EFCAB6: variants seen among roughly 807,000 people sequenced by gnomAD.
EFCAB6 encodes EF-hand calcium-binding domain-containing protein 6.
A neutral mutation model predicts 169.8 loss-of-function variants in EFCAB6; 156 were observed. The ratio of observed to expected loss-of-function variants is 0.92; its 90% CI spans 0.81 to 1.05. The LOEUF (loss-of-function observed/expected upper bound fraction) is 1.05. Among genes scored for constraint, EFCAB6 ranks in the 50% least tolerant of loss-of-function variants. The pLI is 0.00. For missense variants in EFCAB6, 1,800 were observed against 1,829.1 expected, an observed-to-expected ratio of 0.98 and a Z score of 0.29; for synonymous variants, 698 against 676.4, an observed-to-expected ratio of 1.03 and a Z score of -0.50.
At chr22:43,709,491 T>C (rs1246299947) in intron 10 of EFCAB6, among the ~76,000 whole-genome samples, 1 of 152,218 alleles carries the variant, frequency 6.6e-6, no homozygotes, top group African/African-American at 2.4e-5. Context: ...TTTTGAAGAC[T>C]ATGAAGCCAA....
chr22:43,791,045 T>C (rs751191689), intron 2 of EFCAB6, among the ~76,000 whole-genome samples: 13 of 152,188 alleles, frequency 8.5e-5, no homozygotes, highest in Non-Finnish European at 1.5e-4. Flanking sequence ...TCCAAGTAGA[T>C]ATACTGAATA....
chr22:43,808,367 C>T (rs187883745), intron 2 of EFCAB6, among the ~76,000 whole-genome samples: 4 of 152,208 alleles, frequency 2.6e-5, no homozygotes, highest in African/African-American at 9.6e-5. Flanking sequence ...GAATATCTCT[C>T]CTTTAAGCAA....
intron 22 of EFCAB6, among the ~76,000 whole-genome samples, chr22:43,606,820 G>A (rs1248869743): frequency 6.6e-6 from 1 of 152,218 alleles, no homozygotes; most frequent in Non-Finnish European, 1.5e-5. Flanking sequence ...AACAGTGAGT[G>A]TCCACCTCCA....
intron 2 of EFCAB6, among the ~76,000 whole-genome samples, chr22:43,793,271 G>A (rs896753486): frequency 6.6e-6 from 1 of 152,174 alleles, no homozygotes; most frequent in Non-Finnish European, 1.5e-5. Flanking sequence ...AGAATGGTCT[G>A]GATGACCTGT....
intron 21 of EFCAB6, among the ~76,000 whole-genome samples, chr22:43,610,332 A>G (rs1486762908): frequency 4.6e-5 from 7 of 152,250 alleles, no homozygotes; most frequent in African/African-American, 7.2e-5. Flanking sequence ...CTGTTGACCA[A>G]TGAGAAAAAG....
intron 7 of EFCAB6, among the ~76,000 whole-genome samples, chr22:43,733,315 G>T (rs998770248): frequency 4.6e-5 from 7 of 152,222 alleles, no homozygotes; most frequent in African/African-American, 1.7e-4. Context: ...TCATTCATCT[G>T]CTCAGGCAAC....
In EFCAB6 at chr22:43,738,470, CACAT is replaced by C. The variant is rs767143524; in HGVS notation, c.508-2481_508-2478del. The stretch of plus-strand genomic sequence containing the variant: ...ACTCACATACACCATCACTCACACA[CACAT>C]ATATTCACACACACACATGCACATA... On this transcript the variant is annotated intron_variant, in intron 6 of 31. Transcript: ENST00000262726. Among the ~76,000 whole-genome samples the C allele has an allele frequency of 7.9e-5, 12 of 151,746 alleles. No individual in the cohort carries two copies. The East Asian group carries it at 1.2e-3, about 15-fold the overall frequency.
chr22:43,544,757 C>T (rs1460454001), intron 27 of EFCAB6, among the ~76,000 whole-genome samples: 2 of 152,054 alleles, frequency 1.3e-5, no homozygotes, highest in Admixed American at 6.6e-5. Flanking sequence ...CTGTGTGGAT[C>T]CTGCAATCTG....
At position 43,564,934 on chromosome 22, in the gene EFCAB6, G is replaced by A. The variant is rs142472392; in HGVS notation, c.3421-9838C>T. On this transcript the variant is annotated intron_variant, in intron 26 of 31. Coordinates refer to ENST00000262726, the MANE Select transcript of EFCAB6 (RefSeq NM_022785.4). ...CAGAGCTGGAGAGGCAGCAGTGCAC[G>A]TGCGTTTGCTTTCTTGGGGTCTGTC... Among the ~76,000 whole-genome samples, 45 of 152,320 alleles carry A rather than the reference G, an allele frequency of 3.0e-4. No individual in the cohort carries two copies. In the East Asian group the frequency reaches 7.7e-3, roughly 26 times the overall value.
chr22:43,676,551 T>C (rs1377293565), intron 13 of EFCAB6, among the ~76,000 whole-genome samples: 1 of 152,150 alleles, frequency 6.6e-6, no homozygotes, highest in Non-Finnish European at 1.5e-5. Flanking sequence ...GATTTGGGAT[T>C]TTTATCATTA....
At chr22:43,614,238 T>C (rs1260133413) in intron 21 of EFCAB6, among the ~76,000 whole-genome samples, 2 of 141,258 alleles carry the variant, frequency 1.4e-5, no homozygotes, top group East Asian at 2.2e-4. Flanking sequence ...CAAGATTTAC[T>C]ATAAGGCTAC....
chr22:43,664,458 A>C (rs542863826), intron 17 of EFCAB6, among the ~76,000 whole-genome samples: 16 of 152,368 alleles, frequency 1.1e-4, no homozygotes, highest in African/African-American at 3.6e-4. Context: ...AACAAATGAA[A>C]GATGTGGTGA....
intron 26 of EFCAB6, among the ~76,000 whole-genome samples, chr22:43,573,054 G>A (rs547796460): frequency 1.1e-4 from 17 of 152,362 alleles, no homozygotes; most frequent in East Asian, 5.8e-4. Flanking sequence ...TGAGGCCAGC[G>A]GAGCTGGAAG....
chr22:43,765,954 T>C (rs1358620990), intron 4 of EFCAB6, among the ~76,000 whole-genome samples: 1 of 152,226 alleles, frequency 6.6e-6, no homozygotes, highest in Admixed American at 6.5e-5. Context: ...TGTAAAAGAA[T>C]AGCTCTTAGG....
intron 2 of EFCAB6, among the ~76,000 whole-genome samples, chr22:43,792,203 AG>A (rs2062320239): frequency 6.6e-6 from 1 of 152,214 alleles, no homozygotes; most frequent in Non-Finnish European, 1.5e-5. Flanking sequence ...CTAGAAGAGA[AG>A]GCAAGTCGGG....
rs2047455978 is a variant in EFCAB6 at position 43,537,571 on chromosome 22, C to A, written c.3880-26G>T. On this transcript the variant is annotated intron_variant, in intron 28 of 31. Coordinates refer to ENST00000262726, the MANE Select transcript of EFCAB6 (RefSeq NM_022785.4). This position sits in a 1 kb window ranked among gnomAD's most constrained non-coding sequence, Gnocchi z 4.3. ...CTAGCAGGGAAGAAAAGAAAAGGCT[C>A]TTTTCACTTAAGATTTAAAACGGAA... The A allele has an allele frequency of 1.3e-6, 2 of 1,582,662 alleles. No individual in the cohort carries two copies. Among genetic ancestry groups the A allele is most frequent in the African/African-American group, 2.7e-5 (2 of 73,866 alleles).
intron 23 of EFCAB6, among the ~76,000 whole-genome samples, chr22:43,594,437 G>T (rs1053916546): frequency 2.6e-5 from 4 of 151,974 alleles, no homozygotes; most frequent in Admixed American, 6.6e-5. Flanking sequence ...TGAAAGTAAA[G>T]AAATTGAAAA....
At chr22:43,601,199 AT>A (rs2052498444) in intron 22 of EFCAB6, among the ~76,000 whole-genome samples, 1 of 152,114 alleles carries the variant, frequency 6.6e-6, no homozygotes, top group African/African-American at 2.4e-5. Flanking sequence ...CTTTTATGTC[AT>A]TTTCTATTAT....
At chr22:43,646,544 G>A (rs1211308595) in intron 17 of EFCAB6, among the ~76,000 whole-genome samples, 4 of 152,226 alleles carry the variant, frequency 2.6e-5, no homozygotes, top group East Asian at 3.9e-4. Flanking sequence ...GAAAGTTTTC[G>A]GATGTAGACC....
Sources: gnomAD v4.1 joint callset for allele counts (sites outside exome capture counted in the v4.1 genomes callset) on GRCh38, gnomAD v4.1.1 for gene constraint, Gnocchi (gnomAD v3.1) non-coding constraint, MANE v1.5 for transcripts, NCBI Gene and HGNC (gene_info 2026-07-23, HGNC 2026-07-21) for gene names.